The following VIRMA variants were observed in gnomAD, a reference collection of about 807,000 sequenced individuals.
The protein encoded by VIRMA is vir like m6A methyltransferase associated, also known as protein virilizer homolog.
Under a neutral mutation model 182.4 loss-of-function variants are expected in VIRMA, and 65 were observed. The ratio of observed to expected loss-of-function variants is 0.36; its 90% CI spans 0.29 to 0.44. VIRMA has a LOEUF of 0.44. VIRMA is among the 20% of genes least tolerant of loss of function. The probability of loss-of-function intolerance (pLI) is 1.00; values close to 1 mark genes in which losing one functional copy is unlikely to be tolerated. For missense variants in VIRMA, 1,752 were observed against 2,158.1 expected, an observed-to-expected ratio of 0.81 and a Z score of 3.73; for synonymous variants, 709 against 743.1, an observed-to-expected ratio of 0.95 and a Z score of 0.75.
intron 8 of VIRMA, among the ~76,000 whole-genome samples, chr8:94,521,866 C>T (rs1814782509): frequency 6.6e-6 from 1 of 152,208 alleles, no homozygotes; most frequent in Admixed American, 6.5e-5. Context: ...GAGCATCCCC[C>T]TTATGGACCA....
intron 20 of VIRMA, among the ~76,000 whole-genome samples, chr8:94,493,020 T>A (rs1303859386): frequency 1.3e-5 from 2 of 152,190 alleles, no homozygotes; most frequent in African/African-American, 2.4e-5. Flanking sequence ...GTAATGCTAC[T>A]TTTTTTGTGT....
intron 1 of VIRMA, among the ~76,000 whole-genome samples, chr8:94,549,986 A>C (rs1457683438): frequency 6.6e-6 from 1 of 151,940 alleles, no homozygotes; most frequent in Non-Finnish European, 1.5e-5. Flanking sequence ...AGTCCCAGCT[A>C]CTCGGGAGGC....
At chr8:94,502,532 T>C (rs79094812) in intron 16 of VIRMA, among the ~76,000 whole-genome samples, 22,596 of 152,054 alleles carry the variant, frequency 0.15, 2,086 homozygotes, top group South Asian at 0.3. Context: ...TAAATGTATG[T>C]AAATGTGTGA....
intron 8 of VIRMA, among the ~76,000 whole-genome samples, chr8:94,523,616 T>G (rs893841933): frequency 6.6e-6 from 1 of 152,144 alleles, no homozygotes; most frequent in African/African-American, 2.4e-5. Context: ...GGTCTCCCTA[T>G]GTTGCCCAGG....
At position 94,507,962 on chromosome 8, in the gene VIRMA, C is replaced by CATATGTGT. The variant is rs1367453490; in HGVS notation, c.3880-1253_3880-1246dup. On this transcript the variant is annotated intron_variant, in intron 15 of 23. Coordinates refer to ENST00000297591, the MANE Select transcript of VIRMA (RefSeq NM_015496.5). ...GTGTATATGTGTATATATGTATATA[C>CATATGTGT]ATATGTGTATATATGTATATATGTG... Among the ~76,000 whole-genome samples, 26 of 147,704 alleles carry CATATGTGT rather than the reference C, an allele frequency of 1.8e-4. 1 individual carries two copies. Among genetic ancestry groups the CATATGTGT allele is most frequent in the Non-Finnish European group, 3.1e-4 (21 of 67,328 alleles).
Position 94,553,450 on chromosome 8 carries a change from T to C in VIRMA, c.-3A>G. ...TCCATCGCCGAGTCCACCGCCATGTTTGCCGCGGGCGGGGAACAGGGGGGA... is the reference window on the plus strand; with the variant it reads ...TCCATCGCCGAGTCCACCGCCATGTCTGCCGCGGGCGGGGAACAGGGGGGA... On this transcript the variant is annotated 5_prime_UTR_variant, in exon 1 of 24. Transcript: ENST00000297591. 1 of 1,614,200 alleles carries C rather than the reference T, an allele frequency of 6.2e-7. No individual in the cohort carries two copies. Among genetic ancestry groups the C allele is most frequent in the Non-Finnish European group, 8.5e-7 (1 of 1,180,022 alleles).
chr8:94,510,309 A>T, intron 14 of VIRMA, 108 bp downstream of exon 14: 1 of 743,638 alleles, frequency 1.3e-6, no homozygotes, highest in Non-Finnish European at 2.3e-6. Context: ...ATTTACATGT[A>T]TATATGTTAT....
chr8:94,547,163 C>A, intron 1 of VIRMA: 1 of 350,616 alleles, frequency 2.9e-6, no homozygotes, highest in South Asian at 2.2e-5. Context: ...AGAAGACAGA[C>A]CTATGTCTTA....
Position 94,495,884 on chromosome 8 carries a change from G to C in VIRMA, c.4391C>G (p.Ser1464Ter), listed in dbSNP as rs766747251. Residue 1464 changes from serine (S) to a stop codon, truncating the protein, a stop_gained, in exon 19 of 24, where the codon TCA (serine) becomes TGA (stop). Coordinates refer to ENST00000297591, the MANE Select transcript of VIRMA (RefSeq NM_015496.5). LOFTEE classifies it high-confidence loss of function. ...AGAATCCAGATTGTCATCATCTTTT[G>C]AATGTTCCTAGATACAAATAAAGGC... ...LELEKLVLEH[S>*]KDDDNLDSLL... 1 of 1,612,580 alleles carries C rather than the reference G, an allele frequency of 6.2e-7. No individual in the cohort carries two copies. Among genetic ancestry groups the C allele is most frequent in the Non-Finnish European group, 8.5e-7 (1 of 1,179,480 alleles).
intron 1 of VIRMA, chr8:94,546,830 A>C (rs1563483829): frequency 2.3e-6 from 1 of 428,692 alleles, no homozygotes; most frequent in South Asian, 1.7e-5. Flanking sequence ...TGGTCTTTCT[A>C]AACTATAAAT....
At chr8:94,548,646 A>C (rs1262495077) in intron 1 of VIRMA, among the ~76,000 whole-genome samples, 1 of 145,030 alleles carries the variant, frequency 6.9e-6, no homozygotes, top group Non-Finnish European at 1.5e-5. Flanking sequence ...GCTTTTTTAT[A>C]TTTTTTTATT....
intron 12 of VIRMA, 26 bp downstream of exon 12, chr8:94,511,970 T>G: frequency 7.4e-7 from 1 of 1,352,148 alleles, no homozygotes; most frequent in Non-Finnish European, 1.0e-6. Flanking sequence ...AGAATCGTAG[T>G]TTTTAAAATA....
chr8:94,518,352 T>G (rs1211816428), intron 9 of VIRMA, among the ~76,000 whole-genome samples: 1 of 152,192 alleles, frequency 6.6e-6, no homozygotes, highest in Admixed American at 6.5e-5. Flanking sequence ...ATAAACCTGT[T>G]AAGATACAGC....
chr8:94,543,781 G>T, intron 2 of VIRMA, 46 bp downstream of exon 2: 1 of 1,044,050 alleles, frequency 9.6e-7, no homozygotes, highest in South Asian at 1.4e-5. Context: ...ATGTTTCTAA[G>T]ACAATCTTTA....
intron 1 of VIRMA, among the ~76,000 whole-genome samples, chr8:94,545,068 T>C (rs1208307256): frequency 6.6e-6 from 1 of 151,990 alleles, no homozygotes; most frequent in Non-Finnish European, 1.5e-5. Flanking sequence ...GAGGCTATAG[T>C]TAAGTTATGA....
intron 10 of VIRMA, 93 bp downstream of exon 10, chr8:94,517,695 A>G (rs1457321101): frequency 1.3e-5 from 11 of 827,288 alleles, no homozygotes; most frequent in Non-Finnish European, 1.8e-5. Context: ...TACTAGGTAT[A>G]TTATCGAAAC....
rs55895446 is a variant in VIRMA at position 94,510,885 on chromosome 8, T to C, written c.3391-233A>G. ...GTCCATTGGTGAAGCAATCTAGTTA[T>C]TGGCAAATTCTAACACATGGTAAGG... On this transcript the variant is annotated intron_variant, in intron 13 of 23. Coordinates refer to ENST00000297591, the MANE Select transcript of VIRMA (RefSeq NM_015496.5). 0.18 allele frequency: 183,195 copies of C among 997,926 alleles called. 18,429 individuals are homozygous for C. Among genetic ancestry groups the C allele is most frequent in the Middle Eastern group, 0.29 (882 of 3,032 alleles). The allele number at this position is 997,926 out of a possible 1,614,324, so 61.8% of individuals were successfully genotyped here. A position where few individuals can be genotyped will look rare whatever the true frequency, so the allele number is the denominator to read the frequency against.
intron 7 of VIRMA, among the ~76,000 whole-genome samples, chr8:94,527,728 T>C (rs1815023176): frequency 1.3e-5 from 2 of 151,446 alleles, no homozygotes; most frequent in South Asian, 4.2e-4. Flanking sequence ...AAATTATGCT[T>C]GTCCTCTTGA....
chr8:94,492,047 G>A, intron 21 of VIRMA, 138 bp from the exon 22 acceptor site: 1 of 588,460 alleles, frequency 1.7e-6, no homozygotes, highest in Non-Finnish European at 2.8e-6. Context: ...TCATACTTCT[G>A]GGATAATATA....
Sources: gnomAD v4.1 joint callset for allele counts (sites outside exome capture counted in the v4.1 genomes callset) on GRCh38, gnomAD v4.1.1 for gene constraint, MANE v1.5 for transcripts, NCBI Gene and HGNC (gene_info 2026-07-23, HGNC 2026-07-21) for gene names.